E2F3: variants seen among roughly 807,000 people sequenced by gnomAD.
E2F3 encodes the protein transcription factor E2F3.
A neutral mutation model predicts 44.4 loss-of-function variants in E2F3; 11 were observed. The observed-to-expected ratio is 0.25, with a 90% confidence interval of 0.16 to 0.41. The LOEUF (loss-of-function observed/expected upper bound fraction) is 0.41. E2F3 is among the 10% of genes least tolerant of loss of function. The probability of loss-of-function intolerance (pLI) is 1.00; values close to 1 mark genes in which losing one functional copy is unlikely to be tolerated. For missense variants in E2F3, 487 were observed against 583.6 expected (o/e 0.83, Z 1.70); for synonymous variants, 249 against 253.0 (o/e 0.98, Z 0.15).
At position 20,420,338 on chromosome 6, in the gene E2F3, C is replaced by A. The variant is rs1211955914; in HGVS notation, c.393+17713C>A. On this transcript the variant is annotated intron_variant, in intron 1 of 6. Coordinates refer to ENST00000346618, the MANE Select transcript of E2F3 (RefSeq NM_001949.5). ...CCCTAATTTGCATTTCTGTGAGTAG[C>A]CTCTTTGAATTCTTTATCATTTTTG... Among the ~76,000 whole-genome samples, 3 of 152,162 alleles carry A rather than the reference C, an allele frequency of 2.0e-5. No homozygotes were observed. In the East Asian group the frequency reaches 5.8e-4, roughly 29 times the overall value.
chr6:20,439,453 C>A (rs754988621), intron 1 of E2F3, among the ~76,000 whole-genome samples: 3 of 152,212 alleles, frequency 2.0e-5, no homozygotes, highest in African/African-American at 7.2e-5. Flanking sequence ...TCCATTAGAT[C>A]TGATTTTAAT....
chr6:20,489,378 G>T (rs927428933), intron 6 of E2F3, among the ~76,000 whole-genome samples: 1 of 151,854 alleles, frequency 6.6e-6, no homozygotes, highest in Admixed American at 6.6e-5. Flanking sequence ...TGGCAGGATC[G>T]CTTGAGCCCA....
At chr6:20,455,153 A>G (rs1761268536) in intron 1 of E2F3, among the ~76,000 whole-genome samples, 1 of 152,248 alleles carries the variant, frequency 6.6e-6, no homozygotes. Context: ...TCAGAATAAG[A>G]AATGCATAAA....
chr6:20,421,387 A>G (rs1428934245), intron 1 of E2F3, among the ~76,000 whole-genome samples: 1 of 152,216 alleles, frequency 6.6e-6, no homozygotes, highest in Non-Finnish European at 1.5e-5. Flanking sequence ...TACAAAATGT[A>G]CTTCTTAAAT....
At chr6:20,423,720 C>T (rs1013803078) in intron 1 of E2F3, among the ~76,000 whole-genome samples, 25 of 151,920 alleles carry the variant, frequency 1.6e-4, no homozygotes, top group African/African-American at 4.8e-4. Flanking sequence ...CTGCCTGCCT[C>T]GGCCTCCCAA....
At chr6:20,427,065 T>A (rs766896801) in intron 1 of E2F3, among the ~76,000 whole-genome samples, 2 of 152,210 alleles carry the variant, frequency 1.3e-5, no homozygotes, top group South Asian at 4.1e-4. Context: ...TAAAAGTGAC[T>A]GAGAATGAAA....
intron 1 of E2F3, among the ~76,000 whole-genome samples, chr6:20,459,811 G>A (rs903698450): frequency 3.9e-5 from 6 of 152,030 alleles, no homozygotes; most frequent in East Asian, 3.9e-4. Context: ...GTGTGGTGGC[G>A]TGCACCTGTA....
chr6:20,407,856 G>A (rs184816943), intron 1 of E2F3, among the ~76,000 whole-genome samples: 1 of 152,286 alleles, frequency 6.6e-6, no homozygotes, highest in East Asian at 1.9e-4. Context: ...CTGTAACTAG[G>A]ATGAGTCAAA....
In E2F3 at chr6:20,425,230, CT is replaced by C. The variant is rs143304646; in HGVS notation, c.393+22613del. Among the ~76,000 whole-genome samples, 1,208 of 151,658 alleles carry C rather than the reference CT, an allele frequency of 8.0e-3. 16 individuals are homozygous for C. Among genetic ancestry groups the C allele is most frequent in the African/African-American group, 0.027 (1,123 of 41,364 alleles). On this transcript the variant is annotated intron_variant, in intron 1 of 6. Coordinates refer to ENST00000346618, the MANE Select transcript of E2F3 (RefSeq NM_001949.5). ...GGGGAGAGAAATTATTTACCCAGTG[CT>C]TTTTTTTAATGCCAGACACTGTAAC...
intron 1 of E2F3, among the ~76,000 whole-genome samples, chr6:20,403,087 C>T (rs1759364809): frequency 6.6e-6 from 1 of 151,940 alleles, no homozygotes; most frequent in Non-Finnish European, 1.5e-5. Context: ...CCCCAGTCGG[C>T]CTTGGAGGCT....
At chr6:20,411,380 T>C (rs1000916449) in intron 1 of E2F3, among the ~76,000 whole-genome samples, 1 of 152,120 alleles carries the variant, frequency 6.6e-6, no homozygotes, top group African/African-American at 2.4e-5. Flanking sequence ...AACCTGCCTC[T>C]AGGCCTCCCT....
intron 1 of E2F3, among the ~76,000 whole-genome samples, chr6:20,432,111 C>T (rs1561857713): frequency 2.0e-5 from 3 of 152,248 alleles, no homozygotes; most frequent in Admixed American, 6.5e-5. Flanking sequence ...ATGACTTCAA[C>T]ATAGGAATTT....
At chr6:20,416,377 A>G (rs956474143) in intron 1 of E2F3, among the ~76,000 whole-genome samples, 1 of 152,204 alleles carries the variant, frequency 6.6e-6, no homozygotes, top group African/African-American at 2.4e-5. Flanking sequence ...CCACCATTCT[A>G]GGTACCAGGA....
At chr6:20,403,432 C>T (rs1759378069) in intron 1 of E2F3, among the ~76,000 whole-genome samples, 1 of 152,128 alleles carries the variant, frequency 6.6e-6, no homozygotes. Context: ...CCCGCCCTGT[C>T]CCCCTCTCCG....
At chr6:20,450,158 A>G (rs1378522147) in intron 1 of E2F3, among the ~76,000 whole-genome samples, 1 of 152,166 alleles carries the variant, frequency 6.6e-6, no homozygotes, top group Non-Finnish European at 1.5e-5. Flanking sequence ...TGCTGGGTTG[A>G]ATGGTATTTC....
chr6:20,438,936 C>T (rs1760681714), intron 1 of E2F3, among the ~76,000 whole-genome samples: 1 of 152,138 alleles, frequency 6.6e-6, no homozygotes, highest in African/African-American at 2.4e-5. Flanking sequence ...TTTAATTGAG[C>T]TATTTTTGTT....
intron 1 of E2F3, among the ~76,000 whole-genome samples, chr6:20,459,369 A>G (rs1581626505): frequency 6.6e-6 from 1 of 152,228 alleles, no homozygotes; most frequent in East Asian, 1.9e-4. Flanking sequence ...AGATGTACTG[A>G]TTTCAGAACA....
intron 1 of E2F3, among the ~76,000 whole-genome samples, chr6:20,448,208 G>T (rs374785279): frequency 6.6e-6 from 1 of 152,150 alleles, no homozygotes; most frequent in East Asian, 1.9e-4. Context: ...TGTTATGAGC[G>T]CTCTCAATGC....
intron 1 of E2F3, among the ~76,000 whole-genome samples, chr6:20,424,222 T>C (rs1338622352): frequency 1.3e-5 from 2 of 151,328 alleles, no homozygotes; most frequent in Non-Finnish European, 3.0e-5. Context: ...TGTGTGTGTG[T>C]GTGTGTGTGT....
Sources: gnomAD v4.1 joint callset for allele counts (sites outside exome capture counted in the v4.1 genomes callset) on GRCh38, gnomAD v4.1.1 for gene constraint, MANE v1.5 for transcripts, NCBI Gene and HGNC (gene_info 2026-07-23, HGNC 2026-07-21) for gene names.